The following LDB2 variants were observed in gnomAD, a reference collection of about 807,000 sequenced individuals.
The protein encoded by LDB2 is LIM domain binding 2.
LDB2 carries 12 observed loss-of-function variants against 44.3 expected under a neutral mutation model. That is an observed-to-expected ratio of 0.27 (90% confidence interval 0.17 to 0.44). The LOEUF is 0.44. LDB2 is among the 20% of genes least tolerant of loss of function. The probability of loss-of-function intolerance (pLI) is 1.00; values close to 1 mark genes in which losing one functional copy is unlikely to be tolerated. For missense variants in LDB2, 344 were observed against 473.5 expected (o/e 0.73, Z 2.54); for synonymous variants, 164 against 174.8 (o/e 0.94, Z 0.49).
rs559488788 is a variant in LDB2, at chr4:16,795,324, G to A, written c.133-36064C>T. Among the ~76,000 whole-genome samples the A allele has an allele frequency of 1.5e-4, 23 of 152,268 alleles. No homozygotes were observed. In the South Asian group the frequency reaches 4.8e-3, roughly 32 times the overall value. Reference sequence around the variant, plus strand: ...TATTACAGAGACCCAATCATAAAAGGCCTTGTAAGTCACCAAAAGAAATCT... The same window carrying A: ...TATTACAGAGACCCAATCATAAAAGACCTTGTAAGTCACCAAAAGAAATCT... On this transcript the variant is annotated intron_variant, in intron 1 of 7. Transcript: ENST00000304523.
intron 5 of LDB2, among the ~76,000 whole-genome samples, chr4:16,523,173 A>C (rs545584545): frequency 2.0e-5 from 3 of 152,300 alleles, no homozygotes; most frequent in African/African-American, 7.2e-5. Flanking sequence ...ATGTGATTTT[A>C]TGGGTTACCA....
At chr4:16,682,821 TATGTC>T (rs776784075) in intron 2 of LDB2, among the ~76,000 whole-genome samples, 35 of 152,374 alleles carry the variant, frequency 2.3e-4, no homozygotes, top group South Asian at 6.2e-4. Flanking sequence ...TGCTGTATTT[TATGTC>T]ATTACTTGTT....
In LDB2 at chr4:16,702,081, C is replaced by T. The variant is rs190814854; in HGVS notation, c.235+57077G>A. Among the ~76,000 whole-genome samples the T allele has an allele frequency of 4.6e-5, 7 of 152,166 alleles. No individual in the cohort carries two copies. In the East Asian group the frequency reaches 1.4e-3, roughly 29 times the overall value. ...GAAAGAATTTATAGCTCAAGAGTTC[C>T]ATAATTCTTGCAACTCTAGAAATCT... On this transcript the variant is annotated intron_variant, in intron 2 of 7. Coordinates refer to ENST00000304523, the MANE Select transcript of LDB2 (RefSeq NM_001290.5).
chr4:16,621,477 G>A (rs185844721), intron 2 of LDB2, among the ~76,000 whole-genome samples: 1 of 152,316 alleles, frequency 6.6e-6, no homozygotes. Flanking sequence ...TGATCATAAA[G>A]GCAAGTTAGA....
At position 16,739,680 on chromosome 4, in the gene LDB2, GTATATATGTATATATACATATATGTGTA is replaced by G. The variant is rs1561056132; in HGVS notation, c.235+19450_235+19477del. 2.3e-3 allele frequency among the ~76,000 whole-genome samples: 90 copies of G among 38,648 alleles called. 19 individuals carry two copies. The highest frequency in any genetic ancestry group is 8.7e-3 in the African/African-American group (84 of 9,642). 25.4% of individuals were successfully genotyped at this position (38,648 alleles called of 152,430 possible). On this transcript the variant is annotated intron_variant, in intron 2 of 7. Coordinates refer to ENST00000304523, the MANE Select transcript of LDB2 (RefSeq NM_001290.5). Reference sequence around the variant, plus strand: ...TATATATGTATATATACATATGTGTGTATATATGTATATATACATATATGTGTATATATGTATATATACATATATGTGT... The same window carrying G: ...TATATATGTATATATACATATGTGTGTATATGTATATATACATATATGTGT...
chr4:16,595,158 C>T (rs1005186112), intron 3 of LDB2, among the ~76,000 whole-genome samples: 9 of 152,100 alleles, frequency 5.9e-5, no homozygotes, highest in African/African-American at 2.2e-4. Context: ...GATCCTGACA[C>T]TTGCCCTCCC....
intron 1 of LDB2, among the ~76,000 whole-genome samples, chr4:16,862,252 T>A (rs1166474212): frequency 6.6e-6 from 1 of 151,230 alleles, no homozygotes; most frequent in Non-Finnish European, 1.5e-5. Flanking sequence ...TTCAATTTTT[T>A]TTTTTTATTT....
At chr4:16,784,693 T>C (rs1774003667) in intron 1 of LDB2, among the ~76,000 whole-genome samples, 3 of 152,164 alleles carry the variant, frequency 2.0e-5, no homozygotes, top group African/African-American at 7.2e-5. Flanking sequence ...AAGTTCAAAT[T>C]CCTCAGCATT....
chr4:16,822,840 T>C (rs1246485550), intron 1 of LDB2, among the ~76,000 whole-genome samples: 1 of 152,142 alleles, frequency 6.6e-6, no homozygotes, highest in Non-Finnish European at 1.5e-5. Context: ...TAACAACCAG[T>C]ATTTACTAAG....
chr4:16,745,847 A>AT (rs951690125), intron 2 of LDB2, among the ~76,000 whole-genome samples: 23 of 151,016 alleles, frequency 1.5e-4, no homozygotes, highest in African/African-American at 4.6e-4. Flanking sequence ...AGACATTAGA[A>AT]TTTTTTTTTA....
chr4:16,580,982 A>G (rs1402108912), intron 5 of LDB2, among the ~76,000 whole-genome samples: 2 of 152,218 alleles, frequency 1.3e-5, no homozygotes, highest in African/African-American at 4.8e-5. Flanking sequence ...CAAGAATTTC[A>G]TATTAGAAAT....
intron 2 of LDB2, among the ~76,000 whole-genome samples, chr4:16,650,740 A>C (rs1366744931): frequency 6.6e-6 from 1 of 152,188 alleles, no homozygotes; most frequent in Non-Finnish European, 1.5e-5. Flanking sequence ...AGCCATCTCA[A>C]ATGAGGCTCC....
At chr4:16,747,200 G>A (rs1057340279) in intron 2 of LDB2, among the ~76,000 whole-genome samples, 1 of 152,086 alleles carries the variant, frequency 6.6e-6, no homozygotes, top group East Asian at 1.9e-4. Flanking sequence ...GTTTAACAAG[G>A]TAATTATCAA....
chr4:16,609,359 G>A (rs930302311), intron 2 of LDB2, among the ~76,000 whole-genome samples: 1 of 147,498 alleles, frequency 6.8e-6, no homozygotes, highest in African/African-American at 2.5e-5. Context: ...GGCGGGGGGG[G>A]GAGGGGAAGG....
At chr4:16,768,175 T>C (rs1242488984) in intron 1 of LDB2, among the ~76,000 whole-genome samples, 1 of 152,146 alleles carries the variant, frequency 6.6e-6, no homozygotes, top group East Asian at 1.9e-4. Flanking sequence ...ACTTAAAGCA[T>C]CTATTCCTTG....
At chr4:16,623,011 T>TATTCC (rs553287348) in intron 2 of LDB2, among the ~76,000 whole-genome samples, 223 of 152,332 alleles carry the variant, frequency 1.5e-3, no homozygotes, top group Non-Finnish European at 2.5e-3. Flanking sequence ...ATCACTATTC[T>TATTCC]ATTCCAAAAC....
chr4:16,534,113 C>A (rs577832235), intron 5 of LDB2, among the ~76,000 whole-genome samples: 1 of 152,118 alleles, frequency 6.6e-6, no homozygotes, highest in Non-Finnish European at 1.5e-5. Flanking sequence ...ATGCACCATG[C>A]ACAACTCACG....
rs139545407 is a variant in LDB2, at chr4:16,582,008, A to AG, written c.615+3913dup. Among the ~76,000 whole-genome samples the AG allele has an allele frequency of 9.8e-4, 86 of 88,132 alleles. No homozygotes were observed. Among genetic ancestry groups the AG allele is most frequent in the African/African-American group, 3.0e-3 (76 of 25,036 alleles). The allele number at this position is 88,132 out of a possible 152,430, so 57.8% of individuals were successfully genotyped here. ...GGAAGGAAGGGAAGGAAGGGAAGGA[A>AG]GGAAGGAAGGAAGGAAGGAAGGAAG... On this transcript the variant is annotated intron_variant, in intron 5 of 7. Transcript: ENST00000304523. The surrounding 1 kb of genome is among the most constrained non-coding windows in gnomAD (Gnocchi z 4.8).
At chr4:16,727,686 A>T (rs890704962) in intron 2 of LDB2, among the ~76,000 whole-genome samples, 1 of 152,112 alleles carries the variant, frequency 6.6e-6, no homozygotes, top group African/African-American at 2.4e-5. Flanking sequence ...TTATTTTCTT[A>T]TATCTCCCGA....
Sources: allele counts gnomAD v4.1 joint callset (sites outside exome capture counted in the v4.1 genomes callset), GRCh38; gene constraint gnomAD v4.1.1; non-coding constraint Gnocchi (gnomAD v3.1); transcripts MANE v1.5; gene names NCBI Gene and HGNC (gene_info 2026-07-23, HGNC 2026-07-21).